Variants in ACOT7 observed in about 807,000 individuals in gnomAD.
ACOT7 encodes the protein cytosolic acyl coenzyme A thioester hydrolase.
A neutral mutation model predicts 40.2 loss-of-function variants in ACOT7; 12 were observed. The ratio of observed to expected loss-of-function variants is 0.30; its 90% CI spans 0.19 to 0.48. The LOEUF (loss-of-function observed/expected upper bound fraction) is 0.48, where lower values mean the gene tolerates loss of function less well. Among genes scored for constraint, ACOT7 ranks in the 20% least tolerant of loss-of-function variants. The pLI, the probability that ACOT7 is intolerant of heterozygous loss-of-function variation, is 0.99. For missense variants in ACOT7, 395 were observed against 530.8 expected (o/e 0.74, Z 2.51); for synonymous variants, 228 against 219.5 (o/e 1.04, Z -0.34).
At chr1:6,298,025 C>T (rs1036206073) in intron 6 of ACOT7, among the ~76,000 whole-genome samples, 1 of 152,162 alleles carries the variant, frequency 6.6e-6, no homozygotes, top group African/African-American at 2.4e-5. Context: ...TGAGGTAGGA[C>T]AGGTGAGGGG....
chr1:6,370,796 G>C (rs1642119056), intron 1 of ACOT7, among the ~76,000 whole-genome samples: 1 of 147,280 alleles, frequency 6.8e-6, no homozygotes, highest in Admixed American at 6.8e-5. Context: ...CACAGCCAAT[G>C]ATTAGTATTA....
intron 7 of ACOT7, among the ~76,000 whole-genome samples, chr1:6,284,696 GC>G (rs1362369877): frequency 3.9e-5 from 6 of 151,970 alleles, no homozygotes; most frequent in Admixed American, 6.6e-5. Flanking sequence ...TCACATAGAG[GC>G]CCCCCTGCAG....
chr1:6,374,364 C>G (rs948271365), intron 1 of ACOT7, among the ~76,000 whole-genome samples: 1 of 152,234 alleles, frequency 6.6e-6, no homozygotes, highest in African/African-American at 2.4e-5. Flanking sequence ...GTGGGCAGAC[C>G]AGCAGGCCCT....
At chr1:6,375,601 C>A (rs1557672740) in intron 1 of ACOT7, among the ~76,000 whole-genome samples, 1 of 151,674 alleles carries the variant, frequency 6.6e-6, no homozygotes, top group African/African-American at 2.4e-5. Flanking sequence ...CCCAGGAGTT[C>A]AAGATCAGCT....
At position 6,338,673 on chromosome 1, in the gene ACOT7, C is replaced by T. The variant is rs545009523; in HGVS notation, c.418+760G>A. Among the ~76,000 whole-genome samples the T allele has an allele frequency of 9.2e-5, 14 of 152,278 alleles. No homozygotes were observed. The East Asian group carries it at 1.9e-3, about 21-fold the overall frequency. On this transcript the variant is annotated intron_variant, in intron 3 of 8. Transcript: ENST00000361521. This position sits in a 1 kb window ranked among gnomAD's most constrained non-coding sequence, Gnocchi z 4.4. Reference sequence around the variant, plus strand: ...CAAATGGCTGTGAGCTGGCACTCCACGGGGCAGCCACTGCTGAGGAACAGG... The same window carrying T: ...CAAATGGCTGTGAGCTGGCACTCCATGGGGCAGCCACTGCTGAGGAACAGG...
chr1:6,285,524 G>A (rs1639477961), intron 7 of ACOT7, among the ~76,000 whole-genome samples: 1 of 152,224 alleles, frequency 6.6e-6, no homozygotes, highest in South Asian at 2.1e-4. Flanking sequence ...CCTCCATGGC[G>A]CAGCCATGTG....
intron 1 of ACOT7, among the ~76,000 whole-genome samples, chr1:6,390,216 T>A (rs922938541): frequency 6.6e-6 from 1 of 152,208 alleles, no homozygotes; most frequent in Non-Finnish European, 1.5e-5. Context: ...TGCTCACTCA[T>A]GAGCAGGGGC....
At chr1:6,290,346 G>C (rs568688203) in intron 7 of ACOT7, among the ~76,000 whole-genome samples, 1 of 152,158 alleles carries the variant, frequency 6.6e-6, no homozygotes, top group South Asian at 2.1e-4. Context: ...GACTGGCAAC[G>C]GGTCTCAACT....
chr1:6,318,082 G>T (rs1269310801), intron 6 of ACOT7, among the ~76,000 whole-genome samples: 1 of 151,714 alleles, frequency 6.6e-6, no homozygotes, highest in Admixed American at 6.6e-5. Flanking sequence ...TTGAGATAGG[G>T]TCTCGTTCTG....
At chr1:6,333,673 G>T in intron 3 of ACOT7, 105 bp from the exon 4 acceptor site, 1 of 1,084,270 alleles carries the variant, frequency 9.2e-7, no homozygotes. Flanking sequence ...CCCAGTACCT[G>T]AAACACACCA....
chr1:6,265,903 C>T (rs78827467), intron 8 of ACOT7, among the ~76,000 whole-genome samples: 2,346 of 152,294 alleles, frequency 0.015, 66 homozygotes, highest in African/African-American at 0.053. Flanking sequence ...CAAGAGAGAG[C>T]GCAGTCAGCC....
chr1:6,267,708 T>C (rs1465853034), intron 8 of ACOT7, among the ~76,000 whole-genome samples: 2 of 152,212 alleles, frequency 1.3e-5, no homozygotes, highest in Non-Finnish European at 2.9e-5. Context: ...GGAACCAAGC[T>C]CTGCCCCGCC....
chr1:6,315,742 G>A lies in ACOT7; in HGVS notation c.712+2750C>T, dbSNP rs560097865. Among the ~76,000 whole-genome samples the A allele has an allele frequency of 1.4e-4, 16 of 117,098 alleles. No homozygotes were observed. The East Asian group carries it at 3.4e-3, about 25-fold the overall frequency. The allele number at this position is 117,098 out of a possible 152,430, so 76.8% of individuals were successfully genotyped here. On this transcript the variant is annotated intron_variant, in intron 6 of 8. Coordinates refer to ENST00000361521, the MANE Select transcript of ACOT7 (RefSeq NM_007274.4). ...CTCCAGCCTGGGTGGGCGACAGAGT[G>A]AGACTCTGTCTAAAAAAAAAAAAAA...
rs149893425 is a variant in ACOT7 at position 6,385,573 on chromosome 1, G to A, written c.143+7684C>T. The A allele has an allele frequency of 9.9e-6, 16 of 1,611,958 alleles. No homozygotes were observed. Among genetic ancestry groups the A allele is most frequent in the South Asian group, 2.2e-5 (2 of 91,058 alleles). ...TGGACGGGAGCGCAGCACCCTCGCCGGGGCCCCACACATCCCTGGCCAGCC... is the reference window on the plus strand; with the variant it reads ...TGGACGGGAGCGCAGCACCCTCGCCAGGGCCCCACACATCCCTGGCCAGCC... On this transcript the variant is annotated intron_variant, in intron 1 of 8. Coordinates refer to ENST00000361521, the MANE Select transcript of ACOT7 (RefSeq NM_007274.4).
chr1:6,372,628 G>A (rs1378002228), intron 1 of ACOT7, among the ~76,000 whole-genome samples: 9 of 145,534 alleles, frequency 6.2e-5, no homozygotes, highest in Admixed American at 4.3e-4. Flanking sequence ...TTGACTCACT[G>A]CAACCTCCAC....
chr1:6,351,185 C>T (rs1218276241), intron 1 of ACOT7, among the ~76,000 whole-genome samples: 1 of 152,202 alleles, frequency 6.6e-6, no homozygotes, highest in East Asian at 1.9e-4. Context: ...AGTGTCACCC[C>T]TCCACCCTGG....
intron 8 of ACOT7, among the ~76,000 whole-genome samples, chr1:6,270,310 G>T (rs1460555446): frequency 6.6e-6 from 1 of 152,218 alleles, no homozygotes; most frequent in African/African-American, 2.4e-5. Flanking sequence ...AGGGTTGGGG[G>T]TGGGTGGAGG....
At chr1:6,281,641 G>C (rs1400762166) in intron 7 of ACOT7, among the ~76,000 whole-genome samples, 1 of 152,224 alleles carries the variant, frequency 6.6e-6, no homozygotes, top group Non-Finnish European at 1.5e-5. Context: ...CCTTCCAGGA[G>C]CTGTGGGTGT....
At chr1:6,319,099 G>C (rs1640571143) in intron 5 of ACOT7, among the ~76,000 whole-genome samples, 2 of 152,158 alleles carry the variant, frequency 1.3e-5, no homozygotes, top group Non-Finnish European at 2.9e-5. Context: ...AGGAGCTTCA[G>C]TCACCCAACA....
Sources: allele counts gnomAD v4.1 joint callset (sites outside exome capture counted in the v4.1 genomes callset), GRCh38; gene constraint gnomAD v4.1.1; non-coding constraint Gnocchi (gnomAD v3.1); transcripts MANE v1.5; gene names NCBI Gene and HGNC (gene_info 2026-07-23, HGNC 2026-07-21).